PCYT1B: variants seen among roughly 807,000 people sequenced by gnomAD.
The protein encoded by PCYT1B is choline-phosphate cytidylyltransferase B.
PCYT1B carries 10 observed loss-of-function variants against 26.4 expected under a neutral mutation model. The observed-to-expected ratio is 0.38, with a 90% CI of 0.23 to 0.64. The LOEUF (loss-of-function observed/expected upper bound fraction) is 0.64. Among genes scored for constraint, PCYT1B ranks in the 30% least tolerant of loss-of-function variants. PCYT1B has a pLI of 0.56. For synonymous variants in PCYT1B, 131 were observed against 108.4 expected (o/e 1.21, Z -1.29); for missense variants, 161 against 292.7 (o/e 0.55, Z 3.28).
At chrX:24,600,110 C>T (rs1244397388) in intron 3 of PCYT1B, among the ~76,000 whole-genome samples, 2 of 110,880 alleles carry the variant, frequency 1.8e-5, no homozygotes, top group East Asian at 5.6e-4. Context: ...TCATGTTGGC[C>T]AGGCTGGTCT....
At chrX:24,648,475 T>TTTTTTC (rs1926696696), upstream of PCYT1B, among the ~76,000 whole-genome samples, 3 of 92,938 alleles carry the variant, frequency 3.2e-5, no homozygotes, top group Non-Finnish European at 6.2e-5. Flanking sequence ...TTTTTTTTTT[T>TTTTTTC]GCGAAGGGCG....
chrX:24,620,463 T>C (rs1348484161), intron 1 of PCYT1B, among the ~76,000 whole-genome samples: 1 of 111,925 alleles, frequency 8.9e-6, no homozygotes, highest in Admixed American at 9.5e-5. Context: ...AACCAAGACT[T>C]GGGACAAGGA....
upstream of PCYT1B, among the ~76,000 whole-genome samples, chrX:24,651,473 ATATATATATAT>A (rs1357248109): frequency 4.1e-3 from 115 of 28,058 alleles, 1 homozygote; most frequent in Admixed American, 0.014. Context: ...AAAAAAAAAA[ATATATATATAT>A]ATATATATAT....
chrX:24,564,278 T>TCCCCCATATTTTC (rs1402430224), intron 7 of PCYT1B, among the ~76,000 whole-genome samples: 1 of 111,802 alleles, frequency 8.9e-6, no homozygotes, highest in Non-Finnish European at 1.9e-5. Context: ...TAGTATATTT[T>TCCCCCATATTTTC]CCCCCATATT....
chrX:24,653,013 A>C (rs981305303), intron 1 of PCYT1B, among the ~76,000 whole-genome samples: 1 of 111,307 alleles, frequency 9.0e-6, no homozygotes, highest in Non-Finnish European at 1.9e-5. Context: ...TGAACCCAGG[A>C]GGAGGAGGAG....
intron 1 of PCYT1B, among the ~76,000 whole-genome samples, chrX:24,624,194 C>T (rs1320314482): frequency 9.0e-6 from 1 of 110,550 alleles, no homozygotes; most frequent in Non-Finnish European, 1.9e-5. Flanking sequence ...TGGTCTTGAT[C>T]TCCTGACCTC....
intron 3 of PCYT1B, among the ~76,000 whole-genome samples, chrX:24,594,331 T>C (rs1924710606): frequency 1.8e-5 from 2 of 111,564 alleles, no homozygotes; most frequent in Non-Finnish European, 3.8e-5. Flanking sequence ...AGGAATTCTT[T>C]ATGGGCCATG....
At chrX:24,565,939 G>A (rs1169701136) in intron 7 of PCYT1B, among the ~76,000 whole-genome samples, 1 of 111,401 alleles carries the variant, frequency 9.0e-6, no homozygotes, top group African/African-American at 3.3e-5. Context: ...TGAACATATG[G>A]CCTGTATAGA....
At chrX:24,634,702 C>T (rs563966108) in intron 1 of PCYT1B, among the ~76,000 whole-genome samples, 14 of 111,706 alleles carry the variant, frequency 1.3e-4, no homozygotes, top group African/African-American at 3.9e-4. Flanking sequence ...GCCAAGATCA[C>T]GCCACCGCAC....
intron 1 of PCYT1B, among the ~76,000 whole-genome samples, chrX:24,665,583 G>A (rs1030951612): frequency 1.8e-5 from 2 of 111,074 alleles, no homozygotes; most frequent in Admixed American, 9.6e-5. Context: ...GAGCCACCGC[G>A]CCTGGCCCCA....
intron 3 of PCYT1B, among the ~76,000 whole-genome samples, chrX:24,601,699 G>A (rs750716549): frequency 8.9e-6 from 1 of 111,735 alleles, no homozygotes; most frequent in South Asian, 3.7e-4. Flanking sequence ...CATGAAAAAT[G>A]TTCAATATCA....
intron 3 of PCYT1B, among the ~76,000 whole-genome samples, chrX:24,590,792 T>C (rs909935461): frequency 1.2e-5 from 1 of 81,056 alleles, no homozygotes; most frequent in African/African-American, 4.4e-5. Flanking sequence ...ACATCTCTCT[T>C]TTTTTTTTTT....
chrX:24,660,916 T>C (rs1300514665), intron 1 of PCYT1B, among the ~76,000 whole-genome samples: 1 of 111,533 alleles, frequency 9.0e-6, no homozygotes, highest in Admixed American at 9.6e-5. Context: ...GCAAAACCAT[T>C]AGCAGTGAAC....
intron 3 of PCYT1B, among the ~76,000 whole-genome samples, chrX:24,592,329 C>A (rs1924595005): frequency 9.0e-6 from 1 of 111,313 alleles, no homozygotes; most frequent in East Asian, 2.8e-4. Flanking sequence ...GAATGATGAC[C>A]CACACCCAGA....
intron 7 of PCYT1B, among the ~76,000 whole-genome samples, chrX:24,570,374 C>G (rs1180923298): frequency 1.9e-5 from 2 of 107,479 alleles, no homozygotes; most frequent in African/African-American, 6.8e-5. Flanking sequence ...CTGCCTCAGC[C>G]TCCCGAGTAG....
At chrX:24,608,538 G>A (rs1056239257) in intron 2 of PCYT1B, among the ~76,000 whole-genome samples, 5 of 111,945 alleles carry the variant, frequency 4.5e-5, no homozygotes, top group African/African-American at 1.6e-4. Context: ...GAGTCAGGAT[G>A]TAATGTTGCA....
chrX:24,605,539 C>T (rs1925098100), intron 3 of PCYT1B, among the ~76,000 whole-genome samples: 1 of 112,304 alleles, frequency 8.9e-6, no homozygotes, highest in South Asian at 3.7e-4. Flanking sequence ...ACTGCAAGTT[C>T]TCTGAGGACA....
chrX:24,667,439 G>A (rs1056422836), intron 1 of PCYT1B, among the ~76,000 whole-genome samples: 2 of 111,390 alleles, frequency 1.8e-5, no homozygotes, highest in African/African-American at 6.5e-5. Flanking sequence ...AAATAAGGCT[G>A]GATGCAGTGG....
chrX:24,614,217 C>G (rs1197770493), intron 2 of PCYT1B, among the ~76,000 whole-genome samples: 1 of 111,956 alleles, frequency 8.9e-6, no homozygotes, highest in Non-Finnish European at 1.9e-5. Flanking sequence ...GTTTCATCAC[C>G]CTTGTGACCT....
Sources: allele counts gnomAD v4.1 joint callset (sites outside exome capture counted in the v4.1 genomes callset), GRCh38; gene constraint gnomAD v4.1.1; transcripts MANE v1.5; gene names NCBI Gene and HGNC (gene_info 2026-07-23, HGNC 2026-07-21).